SANBR: variants seen among roughly 807,000 people sequenced by gnomAD.
SANBR encodes the protein SANT and BTB domain regulator of class switch recombination.
A neutral mutation model predicts 101.8 loss-of-function variants in SANBR; 77 were observed. The observed-to-expected ratio is 0.76, with a 90% CI of 0.63 to 0.91. SANBR has a LOEUF of 0.91. Ranked by LOEUF, SANBR falls within the 40% of genes least tolerant of loss-of-function variation. The pLI, the probability that SANBR is intolerant of heterozygous loss-of-function variation, is 0.00. For missense variants in SANBR, 875 were observed against 853.0 expected, an observed-to-expected ratio of 1.03 and a Z score of -0.32; for synonymous variants, 279 against 274.7, an observed-to-expected ratio of 1.02 and a Z score of -0.15.
At chr2:61,068,667 G>T (rs552982922) in intron 1 of SANBR, among the ~76,000 whole-genome samples, 182 bp from the exon 2 acceptor site, 1 of 152,260 alleles carries the variant, frequency 6.6e-6, no homozygotes, top group East Asian at 1.9e-4. Flanking sequence ...TACTTCATTG[G>T]AATGTTACTG....
At position 61,071,584 on chromosome 2, in the gene SANBR, C is replaced by G. The variant is rs766095089; in HGVS notation, c.151-22C>G. ...AAAAAAAATTCCCAAACCTCTGTTT[C>G]TTTCATTTTATATTATGACAGTGTG... On this transcript the variant is annotated intron_variant, in intron 3 of 21. Coordinates refer to ENST00000402291, the MANE Select transcript of SANBR (RefSeq NM_001129993.3). 10 of 1,418,390 alleles carry G rather than the reference C, an allele frequency of 7.1e-6. No homozygotes were observed. In the East Asian group the frequency reaches 2.6e-4, roughly 37 times the overall value. 87.9% of individuals were successfully genotyped at this position (1,418,390 alleles called of 1,614,324 possible).
intron 13 of SANBR, among the ~76,000 whole-genome samples, 173 bp from the exon 14 acceptor site, chr2:61,106,390 C>CAAAAAAAAAAAAA (rs11364653): frequency 1.6e-5 from 1 of 63,260 alleles, no homozygotes; most frequent in African/African-American, 6.3e-5. Flanking sequence ...GACTCCATCT[C>CAAAAAAAAAAAAA]AAAAAAAAAA....
chr2:61,118,647 C>T (rs1186562731), intron 20 of SANBR, among the ~76,000 whole-genome samples: 5 of 148,666 alleles, frequency 3.4e-5, no homozygotes, highest in African/African-American at 1.2e-4. Flanking sequence ...CTGCAACCTC[C>T]ACCTCCCAGG....
rs1425747551 is a variant in SANBR, at chr2:61,080,129, G to A, written c.671-1323G>A. 4.7e-5 allele frequency among the ~76,000 whole-genome samples: 7 copies of A among 149,106 alleles called. No individual in the cohort carries two copies. In the South Asian group the frequency reaches 6.3e-4, roughly 13 times the overall value. ...GGAGAATCGCTTGAAACCGGAAGGC[G>A]GAGGTTGCAGTGAGCCAAGATCATG... is the stretch of plus-strand genomic sequence containing the variant. On this transcript the variant is annotated intron_variant, in intron 6 of 21. Transcript: ENST00000402291.
At chr2:61,133,855 A>T (rs931065476) in intron 20 of SANBR, among the ~76,000 whole-genome samples, 15 of 152,194 alleles carry the variant, frequency 9.9e-5, no homozygotes, top group African/African-American at 3.6e-4. Flanking sequence ...AAATGTTCAA[A>T]ACTGATTGTG....
At position 61,092,594 on chromosome 2, in the gene SANBR, T is replaced by G; in HGVS notation, c.1212+7T>G. ...TTGTTCAAGATGTTATCAGGTAAGA[T>G]TTTTTTTTTTAAATATCCTGCTCTG... On this transcript the variant is annotated splice_region_variant and intron_variant, in intron 11 of 21. Transcript: ENST00000402291. 1 of 1,091,570 alleles carries G rather than the reference T, an allele frequency of 9.2e-7. No homozygotes were observed. The highest frequency in any genetic ancestry group is 1.2e-6 in the Non-Finnish European group (1 of 813,880). 67.6% of individuals were successfully genotyped at this position (1,091,570 alleles called of 1,614,324 possible).
Position 61,122,345 on chromosome 2 carries a change from T to G in SANBR, c.*183T>G. 8.0e-7 allele frequency: 1 copy of G among 1,245,798 alleles called. No individual in the cohort carries two copies. Among genetic ancestry groups the G allele is most frequent in the Non-Finnish European group, 1.0e-6 (1 of 970,996 alleles). The allele number at this position is 1,245,798 out of a possible 1,614,324, so 77.2% of individuals were successfully genotyped here. On this transcript the variant is annotated 3_prime_UTR_variant, in exon 22 of 22. Transcript: ENST00000402291. The stretch of plus-strand genomic sequence containing the variant: ...GGTTTTATGAAAATCTAATTGTAAA[T>G]ATGAAACTTTTTAAATCTGATTTTC...
At chr2:61,119,184 A>T (rs1684222054) in intron 20 of SANBR, among the ~76,000 whole-genome samples, 1 of 152,216 alleles carries the variant, frequency 6.6e-6, no homozygotes, top group South Asian at 2.1e-4. Flanking sequence ...ATTACATTTT[A>T]GTCATGACAT....
In SANBR at chr2:61,123,263, C is replaced by A. The variant is rs916127645; in HGVS notation, c.*1101C>A. On this transcript the variant is annotated 3_prime_UTR_variant, in exon 22 of 22. Transcript: ENST00000402291. Reference sequence around the variant, plus strand: ...TCTATTTTTTTAAGTCTTAATTTGCCTTATAACTGACATTTCTTCAAATTA... The same window carrying A: ...TCTATTTTTTTAAGTCTTAATTTGCATTATAACTGACATTTCTTCAAATTA... 1.0e-6 allele frequency: 1 copy of A among 979,028 alleles called. No individual in the cohort carries two copies. Among genetic ancestry groups the A allele is most frequent in the African/African-American group, 1.8e-5 (1 of 57,044 alleles). The allele number at this position is 979,028 out of a possible 1,614,324, so 60.6% of individuals were successfully genotyped here. A position where few individuals can be genotyped will look rare whatever the true frequency, so the allele number is the denominator to read the frequency against.
chr2:61,137,092 G>A (rs559203941), intron 21 of SANBR, among the ~76,000 whole-genome samples: 2 of 151,842 alleles, frequency 1.3e-5, no homozygotes, highest in Non-Finnish European at 2.9e-5. Context: ...ACAAGCCTAG[G>A]AAAACATAGT....
chr2:61,115,777 C>G (rs62151034), intron 16 of SANBR: 2 of 387,964 alleles, frequency 5.2e-6, no homozygotes, highest in African/African-American at 4.2e-5. Flanking sequence ...GAAAATGAAC[C>G]CCTGTAAAGC....
At chr2:61,129,971 A>G (rs1684636008) in intron 20 of SANBR, among the ~76,000 whole-genome samples, 1 of 152,134 alleles carries the variant, frequency 6.6e-6, no homozygotes, top group African/African-American at 2.4e-5. Context: ...CAATACCACA[A>G]GAGGAAACAG....
chr2:61,086,954 C>G (rs1682464270), intron 8 of SANBR, among the ~76,000 whole-genome samples: 1 of 151,964 alleles, frequency 6.6e-6, no homozygotes, highest in Non-Finnish European at 1.5e-5. Flanking sequence ...AGACATTACA[C>G]AAGGAAAGAT....
exon 22 of SANBR, chr2:61,137,882 T>G (rs1684895990): frequency 6.6e-6 from 1 of 152,220 alleles, no homozygotes; most frequent in Non-Finnish European, 1.5e-5. Context: ...GTTTACTTTA[T>G]ATAGTGACCT....
intron 21 of SANBR, among the ~76,000 whole-genome samples, chr2:61,136,011 TA>T (rs1294393542): frequency 6.6e-6 from 1 of 152,058 alleles, no homozygotes; most frequent in African/African-American, 2.4e-5. Context: ...TTAAAGAGTC[TA>T]AAAAAATCAA....
chr2:61,134,063 A>G lies in SANBR; in HGVS notation c.2029-74A>G, dbSNP rs547263381. ...TCCTAACAGCTACATCATTTTGTTT[A>G]ATCTCTTCTTGTGTTTGCCTGGGTG... On this transcript the variant is annotated intron_variant, in intron 20 of 21. Transcript: ENST00000295031. The G allele has an allele frequency of 5.8e-4, 913 of 1,574,060 alleles. 10 individuals carry two copies. In the South Asian group the frequency reaches 1.0e-2, roughly 17 times the overall value.
intron 20 of SANBR, among the ~76,000 whole-genome samples, chr2:61,118,961 C>T (rs937578253): frequency 2.0e-5 from 3 of 152,234 alleles, no homozygotes; most frequent in African/African-American, 7.2e-5. Flanking sequence ...TCATCTATAA[C>T]ACATATAATA....
intron 10 of SANBR, chr2:61,089,724 A>G (rs567886873): frequency 1.3e-5 from 2 of 152,492 alleles, no homozygotes; most frequent in East Asian, 3.8e-4. Flanking sequence ...CTTTATGTTC[A>G]AAACAAGTTC....
At chr2:61,122,079 T>C (rs1175826024) in intron 21 of SANBR, 47 bp from the exon 22 acceptor site, 1 of 1,537,612 alleles carries the variant, frequency 6.5e-7, no homozygotes, top group Admixed American at 2.1e-5. Flanking sequence ...CAACTTCCTA[T>C]TGTTTTAGAA....
Sources: gnomAD v4.1 joint callset for allele counts (sites outside exome capture counted in the v4.1 genomes callset) on GRCh38, gnomAD v4.1.1 for gene constraint, MANE v1.5 for transcripts, NCBI Gene and HGNC (gene_info 2026-07-23, HGNC 2026-07-21) for gene names.